Variants in TMEM184C observed in about 807,000 individuals in gnomAD.
TMEM184C encodes the protein transmembrane protein 34.
TMEM184C carries 25 observed loss-of-function variants against 54.5 expected under a neutral mutation model. The ratio of observed to expected loss-of-function variants is 0.46; its 90% CI spans 0.33 to 0.64. The LOEUF is 0.64. Ranked by LOEUF, TMEM184C falls within the 30% of genes least tolerant of loss-of-function variation. TMEM184C has a pLI of 0.02. For missense variants in TMEM184C, 335 were observed against 520.3 expected, an observed-to-expected ratio of 0.64 and a Z score of 3.46; for synonymous variants, 148 against 181.5, an observed-to-expected ratio of 0.82 and a Z score of 1.49.
chr4:147,634,363 A>G lies in TMEM184C; in HGVS notation c.1246A>G (p.Ile416Val), dbSNP rs759290380. The stretch of plus-strand genomic sequence containing the variant: ...CCAGACTACACCTACCACAGCTAAG[A>G]TATCTGATGAAATCCTTAGTGATAC... The part of the protein sequence containing the change: ...TPQTTPTTAK[I>V]SDEILSDTIG... The change falls in exon 10 of 10, where the codon ATA (isoleucine) becomes GTA (valine). Residue 416 changes from isoleucine (I) to valine (V), a missense_variant. Transcript: ENST00000296582. The G allele has an allele frequency of 2.5e-6, 4 of 1,614,060 alleles. No individual in the cohort carries two copies. The highest frequency in any genetic ancestry group is 2.2e-5 in the East Asian group (1 of 44,890).
rs1732977180 is a variant in TMEM184C at position 147,634,503 on chromosome 4, C to T, written c.*69C>T. The T allele has an allele frequency of 2.0e-6, 3 of 1,534,318 alleles. No homozygotes were observed. The highest frequency in any genetic ancestry group is 2.6e-6 in the Non-Finnish European group (3 of 1,134,156). Reference sequence around the variant, plus strand: ...TACCTGGTATCCCATGGATTTTGTGCTTGGGACAGACCATAAATGATGGAA... The same window carrying T: ...TACCTGGTATCCCATGGATTTTGTGTTTGGGACAGACCATAAATGATGGAA... On this transcript the variant is annotated 3_prime_UTR_variant, in exon 10 of 10. Transcript: ENST00000296582.
At position 147,617,763 on chromosome 4, in the gene TMEM184C, G is replaced by C. The variant is rs1282650319; in HGVS notation, c.-194G>C. On this transcript the variant is annotated 5_prime_UTR_variant, in exon 1 of 10. Transcript: ENST00000296582. The stretch of plus-strand genomic sequence containing the variant: ...CTGCTCGCCAATAGCACCCTGAGAG[G>C]CTACATTTGCAGAAGCAGCAGCAGC... 3 of 665,824 alleles carry C rather than the reference G, an allele frequency of 4.5e-6. No homozygotes were observed. Among genetic ancestry groups the C allele is most frequent in the East Asian group, 5.6e-5 (2 of 35,650 alleles). 41.2% of individuals were successfully genotyped at this position (665,824 alleles called of 1,614,324 possible). A position where few individuals can be genotyped will look rare whatever the true frequency, so the allele number is the denominator to read the frequency against.
At chr4:147,618,386 C>G (rs935075248) in intron 1 of TMEM184C, among the ~76,000 whole-genome samples, 2 of 152,172 alleles carry the variant, frequency 1.3e-5, no homozygotes, top group African/African-American at 4.8e-5. Context: ...CTGATCTGTT[C>G]AGACATTGGA....
chr4:147,624,099 G>A lies in TMEM184C; in HGVS notation c.291+1G>A. On this transcript the variant is annotated splice_donor_variant, in intron 3 of 9. Transcript: ENST00000296582. LOFTEE classifies it high-confidence loss of function. ...GGTACCTATTTACAGTTTAGATAGT[G>A]TAAGTATGTTTCATTTTTATCTCAT... 1 of 1,595,276 alleles carries A rather than the reference G, an allele frequency of 6.3e-7. No homozygotes were observed. Among genetic ancestry groups the A allele is most frequent in the Non-Finnish European group, 8.6e-7 (1 of 1,165,974 alleles).
At chr4:147,632,236 C>T (rs1732930955) in intron 7 of TMEM184C, among the ~76,000 whole-genome samples, 1 of 147,098 alleles carries the variant, frequency 6.8e-6, no homozygotes. Context: ...AACAAATACA[C>T]CAAATTTAAC....
intron 6 of TMEM184C, 130 bp downstream of exon 6, chr4:147,629,822 T>A: frequency 4.2e-6 from 2 of 476,014 alleles, no homozygotes; most frequent in Non-Finnish European, 6.9e-6. Context: ...ATCTGAAATT[T>A]AATTTATAGA....
intron 4 of TMEM184C, among the ~76,000 whole-genome samples, chr4:147,626,043 C>T (rs1208598095): frequency 6.6e-6 from 1 of 151,842 alleles, no homozygotes; most frequent in Non-Finnish European, 1.5e-5. Context: ...GGGTGGGGGC[C>T]ACAAGGTGAG....
chr4:147,618,221 G>A lies in TMEM184C; in HGVS notation c.123+142G>A, dbSNP rs931222892. 5.6e-6 allele frequency: 7 copies of A among 1,245,808 alleles called. No homozygotes were observed. In the African/African-American group the frequency reaches 9.0e-5, roughly 16 times the overall value. The allele number at this position is 1,245,808 out of a possible 1,614,324, so 77.2% of individuals were successfully genotyped here. ...GAGCCTACTCTTAGGATATAAACCT[G>A]TCTAATTTCTTGTTCACGGTTCTTC... On this transcript the variant is annotated intron_variant, in intron 1 of 9. Transcript: ENST00000296582.
chr4:147,636,021 T>C lies in TMEM184C; in HGVS notation c.*1587T>C, dbSNP rs1733033430. Reference sequence around the variant, plus strand: ...TAAATGGAAAGGTATCCCGTGCTCATGGATCAGAATAATACTGTTAAAATG... The same window carrying C: ...TAAATGGAAAGGTATCCCGTGCTCACGGATCAGAATAATACTGTTAAAATG... On this transcript the variant is annotated 3_prime_UTR_variant, in exon 10 of 10. Transcript: ENST00000296582. 6.6e-6 allele frequency: 1 copy of C among 152,144 alleles called. No individual in the cohort carries two copies. The highest frequency in any genetic ancestry group is 1.5e-5 in the Non-Finnish European group (1 of 67,992). The allele number at this position is 152,144 out of a possible 1,614,324, so 9.4% of individuals were successfully genotyped here. A position where few individuals can be genotyped will look rare whatever the true frequency, so the allele number is the denominator to read the frequency against.
rs150014594 is a variant in TMEM184C, at chr4:147,634,114, G to A, written c.1052-55G>A. On this transcript the variant is annotated intron_variant, in intron 9 of 9. Transcript: ENST00000296582. Reference sequence around the variant, plus strand: ...AAGTGGGGAGCTTATTTTTAGAATGGTAAGTTTATAATGGTAAAAATAACT... The same window carrying A: ...AAGTGGGGAGCTTATTTTTAGAATGATAAGTTTATAATGGTAAAAATAACT... 1.6e-4 allele frequency: 248 copies of A among 1,561,268 alleles called. 2 individuals are homozygous for A. The East Asian group carries it at 5.4e-3, about 34-fold the overall frequency.
intron 5 of TMEM184C, 135 bp downstream of exon 5, chr4:147,628,570 T>TAGA (rs76026820): frequency 0.015 from 10,201 of 689,846 alleles, 124 homozygotes; most frequent in Non-Finnish European, 0.02. Flanking sequence ...AAACACTGTA[T>TAGA]AGAAACTCAC....
At chr4:147,618,556 TTA>T (rs1185325969) in intron 1 of TMEM184C, among the ~76,000 whole-genome samples, 1 of 152,212 alleles carries the variant, frequency 6.6e-6, no homozygotes, top group Non-Finnish European at 1.5e-5. Flanking sequence ...AAAAAGTCCC[TTA>T]TATATATTTT....
At chr4:147,622,615 C>T (rs1169207711) in intron 1 of TMEM184C, among the ~76,000 whole-genome samples, 1 of 152,110 alleles carries the variant, frequency 6.6e-6, no homozygotes, top group Non-Finnish European at 1.5e-5. Flanking sequence ...GACTACTGTA[C>T]TCAATTTTAA....
In TMEM184C at chr4:147,634,253, C is replaced by T. The variant is rs770482780; in HGVS notation, c.1136C>T (p.Ser379Leu). Residue 379 changes from serine to leucine, a missense_variant, in exon 10 of 10, where the codon TCA (serine) becomes TTA (leucine). Coordinates refer to ENST00000296582, the MANE Select transcript of TMEM184C (RefSeq NM_018241.3). Reference sequence around the variant, plus strand: ...GAACATACAAGTTTATTATCATCATCATCACAAGATGCAATTTCCATTGCT... The same window carrying T: ...GAACATACAAGTTTATTATCATCATTATCACAAGATGCAATTTCCATTGCT... The part of the protein sequence containing the change: ...QNEHTSLLSS[S>L]SQDAISIASS... 2 of 1,614,180 alleles carry T rather than the reference C, an allele frequency of 1.2e-6. No individual in the cohort carries two copies. The highest frequency in any genetic ancestry group is 1.7e-6 in the Non-Finnish European group (2 of 1,180,018).
intron 7 of TMEM184C, chr4:147,632,672 T>C: frequency 2.3e-6 from 1 of 443,164 alleles, no homozygotes; most frequent in Non-Finnish European, 4.0e-6. Flanking sequence ...TCTCTAGATT[T>C]GCTTGAAATG....
chr4:147,620,722 TG>T (rs1732692507), intron 1 of TMEM184C, among the ~76,000 whole-genome samples: 1 of 152,242 alleles, frequency 6.6e-6, no homozygotes, highest in South Asian at 2.1e-4. Context: ...AAGATGATTC[TG>T]AAGTTTTTTG....
In TMEM184C at chr4:147,633,801, A is replaced by G. The variant is rs776107312; in HGVS notation, c.916A>G (p.Ile306Val). The change falls in exon 9 of 10, where the codon ATT (isoleucine) becomes GTT (valine). Residue 306 changes from isoleucine (I) to valine (V), a missense_variant. Transcript: ENST00000296582. The part of the protein sequence containing the change: ...IICIEMFLAA[I>V]AHHYTFSYKP... ...CTGTATTGAGATGTTCCTCGCTGCC[A>G]TTGCTCATCATTACACATTCTCATA... The G allele has an allele frequency of 5.0e-6, 8 of 1,610,048 alleles. No individual in the cohort carries two copies. Among genetic ancestry groups the G allele is most frequent in the South Asian group, 1.1e-5 (1 of 90,382 alleles).
rs1427611027 is a variant in TMEM184C at position 147,634,641 on chromosome 4, T to TAACA, written c.*208_*211dup. On this transcript the variant is annotated 3_prime_UTR_variant, in exon 10 of 10. Transcript: ENST00000296582. ...TTTCCTAGACTTAGACTTGATTTCT[T>TAACA]AACATTAGGGTATCGCATACTCAAA... The TAACA allele has an allele frequency of 3.5e-6, 2 of 565,244 alleles. No homozygotes were observed. The highest frequency in any genetic ancestry group is 3.8e-5 in the African/African-American group (2 of 53,174). 35.0% of individuals were successfully genotyped at this position (565,244 alleles called of 1,614,324 possible). A position where few individuals can be genotyped will look rare whatever the true frequency, so the allele number is the denominator to read the frequency against.
chr4:147,626,543 T>A (rs1473895500), intron 4 of TMEM184C, among the ~76,000 whole-genome samples: 1 of 152,226 alleles, frequency 6.6e-6, no homozygotes, highest in African/African-American at 2.4e-5. Context: ...TCCTATGCAG[T>A]ACAGGACCAT....
Sources: gnomAD v4.1 joint callset for allele counts (sites outside exome capture counted in the v4.1 genomes callset) on GRCh38, gnomAD v4.1.1 for gene constraint, MANE v1.5 for transcripts, NCBI Gene and HGNC (gene_info 2026-07-23, HGNC 2026-07-21) for gene names.